HRAS: variants seen among roughly 807,000 people sequenced by gnomAD.
HRAS encodes HRas proto-oncogene, GTPase.
A neutral mutation model predicts 19.8 loss-of-function variants in HRAS; 11 were observed. The observed-to-expected ratio is 0.55, with a 90% CI of 0.35 to 0.92. HRAS has a LOEUF of 0.92. Among genes scored for constraint, HRAS ranks in the 40% least tolerant of loss-of-function variants. The pLI, the probability that HRAS is intolerant of heterozygous loss-of-function variation, is 0.01. For synonymous variants in HRAS, 149 were observed against 105.5 expected (o/e 1.41, Z -2.52); for missense variants, 204 against 255.9 (o/e 0.80, Z 1.38).
At position 534,351 on chromosome 11, in the gene HRAS, C is replaced by T; in HGVS notation, c.-29G>A. 1 of 1,570,488 alleles carries T rather than the reference C, an allele frequency of 6.4e-7. No individual in the cohort carries two copies. The highest frequency in any genetic ancestry group is 8.7e-7 in the Non-Finnish European group (1 of 1,147,906). On this transcript the variant is annotated 5_prime_UTR_variant, in exon 2 of 6. Coordinates refer to ENST00000311189, the MANE Select transcript of HRAS (RefSeq NM_005343.4). ...TCCTCAGGGGCCTGCGGCCCGGGGT[C>T]CTCCTACAGGGTCTCCTGCCCCACC... is the stretch of plus-strand genomic sequence containing the variant.
At chr11:533,131 C>T (rs1851208585) in intron 4 of HRAS, 1 of 748,832 alleles carries the variant, frequency 1.3e-6, no homozygotes, top group Non-Finnish European at 2.1e-6. Context: ...GGCCGGGCCC[C>T]AGGGTCACCG....
chr11:534,183 T>C, intron 2 of HRAS, 29 bp downstream of exon 2: 1 of 1,552,140 alleles, frequency 6.4e-7, no homozygotes, highest in Non-Finnish European at 8.9e-7. Flanking sequence ...CAGCAGCTGC[T>C]GGCACCTGGA....
intron 1 of HRAS, among the ~76,000 whole-genome samples, chr11:534,904 T>C (rs990459401): frequency 3.3e-5 from 5 of 152,284 alleles, no homozygotes; most frequent in African/African-American, 1.2e-4. Flanking sequence ...ACCGGGGGCA[T>C]CTTTCAGCCA....
At chr11:532,912 G>A (rs1428127506) in intron 4 of HRAS, among the ~76,000 whole-genome samples, 157 bp from the exon 5 acceptor site, 2 of 152,182 alleles carry the variant, frequency 1.3e-5, no homozygotes, top group African/African-American at 4.8e-5. Flanking sequence ...GCTGGACTCT[G>A]GCCATCTCGA....
intron 1 of HRAS, 67 bp from the exon 2 acceptor site, chr11:534,442 C>A: frequency 1.3e-6 from 1 of 790,638 alleles, no homozygotes; most frequent in Middle Eastern, 3.3e-4. Flanking sequence ...CAGCTGCTGG[C>A]AGGGCCATCT....
At chr11:534,091 A>C (rs1045090499) in intron 2 of HRAS, 121 bp downstream of exon 2, 32 of 1,150,458 alleles carry the variant, frequency 2.8e-5, no homozygotes, top group Non-Finnish European at 4.0e-5. Flanking sequence ...CTCTAGAGGA[A>C]GCAGGAGACA....
At chr11:533,309 G>T in intron 4 of HRAS, 144 bp downstream of exon 4, 1 of 1,600,524 alleles carries the variant, frequency 6.2e-7, no homozygotes. Flanking sequence ...CATGGGTCCC[G>T]GGGGGTCCCA....
In HRAS at chr11:534,348, G is replaced by C. The variant is rs1184252301; in HGVS notation, c.-26C>G. ...CGCTCCTCAGGGGCCTGCGGCCCGG[G>C]GTCCTCCTACAGGGTCTCCTGCCCC... On this transcript the variant is annotated 5_prime_UTR_variant, in exon 2 of 6. Coordinates refer to ENST00000311189, the MANE Select transcript of HRAS (RefSeq NM_005343.4). The C allele has an allele frequency of 1.3e-6, 2 of 1,584,524 alleles. No individual in the cohort carries two copies. Among genetic ancestry groups the C allele is most frequent in the African/African-American group, 2.7e-5 (2 of 74,526 alleles).
chr11:535,056 G>A (rs1173391313), intron 1 of HRAS, among the ~76,000 whole-genome samples: 1 of 152,094 alleles, frequency 6.6e-6, no homozygotes, highest in African/African-American at 2.4e-5. Flanking sequence ...CTGTGATGCT[G>A]AATCGGGGGT....
intron 3 of HRAS, 33 bp downstream of exon 3, chr11:533,732 GC>G (rs1288107022): frequency 6.2e-7 from 1 of 1,612,368 alleles, no homozygotes; most frequent in Admixed American, 1.7e-5. Context: ...CACCTGTGCG[GC>G]GTGGGCTCCC....
intron 2 of HRAS, 58 bp downstream of exon 2, chr11:534,154 T>A: frequency 1.4e-6 from 2 of 1,395,906 alleles, no homozygotes; most frequent in Non-Finnish European, 2.0e-6. Flanking sequence ...CTATCCTGGC[T>A]GTGTCCTGGG....
rs1159229938 is a variant in HRAS, at chr11:535,439, G to GGGGCCA, written c.-83_-78dup. On this transcript the variant is annotated 5_prime_UTR_variant, in exon 1 of 6. Transcript: ENST00000311189. ...ACCGTTCACAGGCGCGACTGCCCCC[G>GGGGCCA]GGGCCAGGGCCGGGGCCGAGGCCGG... The GGGGCCA allele has an allele frequency of 3.4e-5, 5 of 145,178 alleles. No individual in the cohort carries two copies. Among genetic ancestry groups the GGGGCCA allele is most frequent in the Admixed American group, 7.0e-5 (1 of 14,222 alleles). 9.0% of individuals were successfully genotyped at this position (145,178 alleles called of 1,614,324 possible). A position where few individuals can be genotyped will look rare whatever the true frequency, so the allele number is the denominator to read the frequency against.
chr11:534,198 G>A lies in HRAS; in HGVS notation c.111+14C>T, dbSNP rs372917082. The A allele has an allele frequency of 2.7e-5, 43 of 1,594,134 alleles. No individual in the cohort carries two copies. Among genetic ancestry groups the A allele is most frequent in the Non-Finnish European group, 3.4e-5 (40 of 1,162,992 alleles). ...CAGCAGCTGCTGGCACCTGGACGGC[G>A]GCGCCAGGCTCACCTCTATAGTGGG... On this transcript the variant is annotated intron_variant, in intron 2 of 5. Transcript: ENST00000311189.
intron 4 of HRAS, chr11:533,164 T>A: frequency 1.0e-6 from 1 of 983,372 alleles, no homozygotes; most frequent in Non-Finnish European, 1.5e-6. Flanking sequence ...TCAGGGCAGC[T>A]CTCCCCAAGG....
chr11:532,971 G>A (rs1357703748), intron 4 of HRAS, among the ~76,000 whole-genome samples: 3 of 152,220 alleles, frequency 2.0e-5, no homozygotes, highest in Non-Finnish European at 2.9e-5. Flanking sequence ...TCAAAGGTCA[G>A]GGTGGCCCGG....
At position 533,777 on chromosome 11, in the gene HRAS, G is replaced by A. The variant is rs2133989886; in HGVS notation, c.279C>T (p.Ile93=). Residue 93 remains isoleucine (I), a synonymous_variant, in exon 3 of 6, where the codon ATC becomes ATT. Transcript: ENST00000311189. ...AINNTKSFED[I]HQYREQIKRV... ...CTCACGGGGTTCACCTGTACTGGTG[G>A]ATGTCCTCAAAAGACTTGGTGTTGT... The A allele has an allele frequency of 1.9e-6, 3 of 1,613,310 alleles. No homozygotes were observed. Among genetic ancestry groups the A allele is most frequent in the Middle Eastern group, 1.6e-4 (1 of 6,062 alleles).
At position 535,527 on chromosome 11, in the gene HRAS, G is replaced by T. The variant is rs985664217; in HGVS notation, c.-165C>A. 9.5e-5 allele frequency: 14 copies of T among 147,982 alleles called. No individual in the cohort carries two copies. Among genetic ancestry groups the T allele is most frequent in the Non-Finnish European group, 1.8e-4 (12 of 66,118 alleles). 9.2% of individuals were successfully genotyped at this position (147,982 alleles called of 1,614,324 possible). A position where few individuals can be genotyped will look rare whatever the true frequency, so the allele number is the denominator to read the frequency against. On this transcript the variant is annotated 5_prime_UTR_variant, in exon 1 of 6. Transcript: ENST00000311189. ...CATGGGCTCCGTCCGCGGCGGGTGC[G>T]GCTCGGGTTGCGGGCGCAGGGCACG...
Position 533,541 on chromosome 11 carries a change from G to T in HRAS, c.362C>A (p.Ala121Asp), listed in dbSNP as rs376667492. Residue 121 changes from alanine (A) to aspartate (D), a missense_variant, in exon 4 of 6, where the codon GCT (alanine) becomes GAT (aspartate). Around this residue, in one of 4 missense-constraint regions of HRAS, gnomAD observed 142 missense variants for 141.1 expected, o/e 1.01. Coordinates refer to ENST00000311189, the MANE Select transcript of HRAS (RefSeq NM_005343.4). ...CTGCCGAGATTCCACAGTGCGTGCA[G>T]CCAGGTCACACTTGTTCCCCACCAG... ...MVLVGNKCDL[A>D]ARTVESRQAQ... The T allele has an allele frequency of 6.2e-7, 1 of 1,613,766 alleles. No individual in the cohort carries two copies. Among genetic ancestry groups the T allele is most frequent in the Non-Finnish European group, 8.5e-7 (1 of 1,180,006 alleles).
At chr11:534,701 G>A in intron 1 of HRAS, 1 of 324,118 alleles carries the variant, frequency 3.1e-6, no homozygotes. Flanking sequence ...GCGCCCGAGG[G>A]CTGAGGTTAC....
Sources: allele counts gnomAD v4.1 joint callset (sites outside exome capture counted in the v4.1 genomes callset), GRCh38; gene constraint gnomAD v4.1.1; regional missense constraint gnomAD v4.1.1; transcripts MANE v1.5; gene names NCBI Gene and HGNC (gene_info 2026-07-23, HGNC 2026-07-21).